The following EML6 variants were observed in gnomAD, a reference collection of about 807,000 sequenced individuals.
EML6 encodes EMAP like 6.
A neutral mutation model predicts 240.1 loss-of-function variants in EML6; 154 were observed. The observed-to-expected ratio is 0.64, with a 90% CI of 0.56 to 0.73. The LOEUF is 0.73. Among genes scored for constraint, EML6 ranks in the 30% least tolerant of loss-of-function variants. The pLI, the probability that EML6 is intolerant of heterozygous loss-of-function variation, is 0.00. For synonymous variants in EML6, 1,148 were observed against 899.0 expected (o/e 1.28, Z -4.95); for missense variants, 2,964 against 2,474.6 (o/e 1.20, Z -4.20).
At chr2:54,950,494 C>G (rs746593127) in intron 29 of EML6, among the ~76,000 whole-genome samples, 156 bp from the exon 30 acceptor site, 2 of 152,252 alleles carry the variant, frequency 1.3e-5, no homozygotes, top group African/African-American at 2.4e-5. Flanking sequence ...TTCTCCTCAG[C>G]CAGTCAAGAA....
chr2:54,936,121 T>C (rs1675122018), intron 28 of EML6, among the ~76,000 whole-genome samples: 1 of 152,212 alleles, frequency 6.6e-6, no homozygotes, highest in Non-Finnish European at 1.5e-5. Flanking sequence ...AATTAGAAAC[T>C]TATAACTACG....
intron 2 of EML6, among the ~76,000 whole-genome samples, chr2:54,735,050 C>T (rs950029720): frequency 6.6e-6 from 1 of 152,192 alleles, no homozygotes; most frequent in African/African-American, 2.4e-5. Context: ...TTCCTCATCC[C>T]TGTGTGTATC....
intron 2 of EML6, among the ~76,000 whole-genome samples, chr2:54,742,195 G>A (rs1255618440): frequency 6.6e-6 from 1 of 152,090 alleles, no homozygotes. Flanking sequence ...AAAAACTCCG[G>A]CCAACTCTAT....
At chr2:54,845,915 CAGA>C (rs1669726224) in intron 8 of EML6, among the ~76,000 whole-genome samples, 2 of 152,212 alleles carry the variant, frequency 1.3e-5, no homozygotes, top group African/African-American at 4.8e-5. Flanking sequence ...TTTGTGTTAT[CAGA>C]AGACTATATT....
At chr2:54,963,612 G>T (rs962632777) in intron 36 of EML6, among the ~76,000 whole-genome samples, 20 of 152,164 alleles carry the variant, frequency 1.3e-4, no homozygotes, top group African/African-American at 4.8e-4. Flanking sequence ...GGCCAGATCG[G>T]GCCTGTGGCC....
intron 26 of EML6, among the ~76,000 whole-genome samples, chr2:54,921,426 A>G (rs1334623833): frequency 6.6e-6 from 1 of 152,182 alleles, no homozygotes; most frequent in Non-Finnish European, 1.5e-5. Flanking sequence ...TAAATCGAAG[A>G]AGACACAAAT....
intron 23 of EML6, 40 bp from the exon 24 acceptor site, chr2:54,903,331 A>G (rs1352708527): frequency 1.3e-6 from 2 of 1,543,650 alleles, no homozygotes; most frequent in East Asian, 2.4e-5. Context: ...AAATTCCTAT[A>G]TAAAATGCTT....
chr2:54,745,496 G>A (rs1303074428), intron 2 of EML6, among the ~76,000 whole-genome samples: 1 of 152,174 alleles, frequency 6.6e-6, no homozygotes, highest in Non-Finnish European at 1.5e-5. Context: ...CTTAAGACAG[G>A]CCAAGTCTGG....
rs1454025039 is a variant in EML6, at chr2:54,850,032, G to T, written c.1258G>T (p.Gly420Cys). 21 of 1,551,704 alleles carry T rather than the reference G, an allele frequency of 1.4e-5. No individual in the cohort carries two copies. The highest frequency in any genetic ancestry group is 1.8e-5 in the Non-Finnish European group (21 of 1,146,966). ...VIHEMKFSPD[G>C]SYLAVGSNDG... ...TCATGAAATGAAATTTTCTCCAGATGGTTCTTACCTTGCAGTGGGATCCAA... is the reference window on the plus strand; with the variant it reads ...TCATGAAATGAAATTTTCTCCAGATTGTTCTTACCTTGCAGTGGGATCCAA... The change falls in exon 10 of 42, where the codon GGT (glycine) becomes TGT (cysteine). Residue 420 changes from glycine (G) to cysteine (C), a missense_variant. Gly to Cys is a radical substitution (Grantham distance 159). Coordinates refer to ENST00000356458, the MANE Select transcript of EML6 (RefSeq NM_001039753.4).
chr2:54,750,647 G>T (rs926768243), intron 2 of EML6, among the ~76,000 whole-genome samples: 1 of 152,068 alleles, frequency 6.6e-6, no homozygotes, highest in Non-Finnish European at 1.5e-5. Flanking sequence ...TCTGCTGGCC[G>T]ATTTTTTTGA....
Position 54,835,970 on chromosome 2 carries a change from A to G in EML6, c.847+6493A>G, listed in dbSNP as rs1338137776. ...GATAGAAGCAAAATAAGCACATCCT[A>G]TTCTCCAGTCCCGCGGGCGGCTCCA... On this transcript the variant is annotated intron_variant, in intron 7 of 41. Coordinates refer to ENST00000356458, the MANE Select transcript of EML6 (RefSeq NM_001039753.4). Among the ~76,000 whole-genome samples, 4 of 152,118 alleles carry G rather than the reference A, an allele frequency of 2.6e-5. No homozygotes were observed. The East Asian group carries it at 5.8e-4, about 22-fold the overall frequency.
rs1008658810 is a variant in EML6 at position 54,842,946 on chromosome 2, T to G, written c.848-1101T>G. On this transcript the variant is annotated intron_variant, in intron 7 of 41. Coordinates refer to ENST00000356458, the MANE Select transcript of EML6 (RefSeq NM_001039753.4). The stretch of plus-strand genomic sequence containing the variant: ...GTATTTTGAGATTGAAATTGGAGTT[T>G]CATTTGCATATTTCTGAGACATGGT... 6.6e-5 allele frequency among the ~76,000 whole-genome samples: 10 copies of G among 152,240 alleles called. No homozygotes were observed. The East Asian group carries it at 1.9e-3, about 29-fold the overall frequency.
chr2:54,946,244 C>A (rs1443894684), intron 28 of EML6, among the ~76,000 whole-genome samples: 1 of 152,168 alleles, frequency 6.6e-6, no homozygotes, highest in Non-Finnish European at 1.5e-5. Flanking sequence ...CCCCACCAGG[C>A]CCCTTTGTGT....
At chr2:54,860,539 G>C (rs1445536603) in intron 12 of EML6, among the ~76,000 whole-genome samples, 1 of 152,154 alleles carries the variant, frequency 6.6e-6, no homozygotes, top group Non-Finnish European at 1.5e-5. Context: ...AGACCTCTGA[G>C]CCTCCTCCCA....
At chr2:54,960,098 C>G in intron 34 of EML6, 122 bp from the exon 35 acceptor site, 2 of 727,552 alleles carry the variant, frequency 2.7e-6, no homozygotes, top group Non-Finnish European at 4.6e-6. Context: ...CCTGGAGGGT[C>G]TTTCCTTCTG....
rs530478681 is a variant in EML6 at position 54,958,981 on chromosome 2, A to G, written c.4696-123A>G. 26 of 896,620 alleles carry G rather than the reference A, an allele frequency of 2.9e-5. No individual in the cohort carries two copies. The East Asian group carries it at 6.7e-4, about 23-fold the overall frequency. The allele number at this position is 896,620 out of a possible 1,614,324, so 55.5% of individuals were successfully genotyped here. Reference sequence around the variant, plus strand: ...AAATTCTGCTGCTTTCCTTAGCACAAAGAGATCAAACTGCCTAGGCTGTCT... The same window carrying G: ...AAATTCTGCTGCTTTCCTTAGCACAGAGAGATCAAACTGCCTAGGCTGTCT... On this transcript the variant is annotated intron_variant, in intron 33 of 41. Transcript: ENST00000356458.
intron 39 of EML6, among the ~76,000 whole-genome samples, chr2:54,967,656 C>A (rs901010655): frequency 2.0e-5 from 3 of 151,942 alleles, no homozygotes; most frequent in African/African-American, 7.3e-5. Flanking sequence ...AGAGCTGGCA[C>A]AAATGTACAG....
chr2:54,867,054 C>T, intron 14 of EML6, 170 bp downstream of exon 14: 2 of 479,220 alleles, frequency 4.2e-6, no homozygotes, highest in Non-Finnish European at 7.7e-6. Context: ...AAGTGTGACT[C>T]TCTATCCACT....
chr2:54,776,937 AT>A (rs1668628816), intron 2 of EML6, among the ~76,000 whole-genome samples: 1 of 152,154 alleles, frequency 6.6e-6, no homozygotes, highest in African/African-American at 2.4e-5. Flanking sequence ...ATCCTAATAA[AT>A]TTAAGAGATT....
Sources: gnomAD v4.1 joint callset for allele counts (sites outside exome capture counted in the v4.1 genomes callset) on GRCh38, gnomAD v4.1.1 for gene constraint, MANE v1.5 for transcripts, NCBI Gene and HGNC (gene_info 2026-07-23, HGNC 2026-07-21) for gene names.